The following CACNA2D3 variants were observed in gnomAD, a reference collection of about 807,000 sequenced individuals.
CACNA2D3 encodes calcium voltage-gated channel auxiliary subunit alpha2delta 3.
CACNA2D3 carries 60 observed loss-of-function variants against 160.6 expected under a neutral mutation model. That is an observed-to-expected ratio of 0.37 (90% CI 0.30 to 0.46). The LOEUF (loss-of-function observed/expected upper bound fraction) is 0.46. Among genes scored for constraint, CACNA2D3 ranks in the 20% least tolerant of loss-of-function variants. The pLI is 1.00. For missense variants in CACNA2D3, 1,205 were observed against 1,365.0 expected, an observed-to-expected ratio of 0.88 and a Z score of 1.85; for synonymous variants, 558 against 492.9, an observed-to-expected ratio of 1.13 and a Z score of -1.75.
chr3:54,280,382 G>T (rs1445501693), intron 2 of CACNA2D3, among the ~76,000 whole-genome samples: 1 of 152,088 alleles, frequency 6.6e-6, no homozygotes, highest in Non-Finnish European at 1.5e-5. Context: ...CGCCTGGCCT[G>T]TTCGTTCATT....
intron 2 of CACNA2D3, among the ~76,000 whole-genome samples, chr3:54,291,024 T>A (rs1457478740): frequency 2.0e-5 from 3 of 152,180 alleles, no homozygotes; most frequent in South Asian, 2.1e-4. Flanking sequence ...ACCCTGCACG[T>A]TGTGCACATG....
intron 24 of CACNA2D3, among the ~76,000 whole-genome samples, chr3:54,890,434 T>G (rs1275790663): frequency 7.0e-6 from 1 of 142,906 alleles, no homozygotes; most frequent in Non-Finnish European, 1.5e-5. Context: ...AGGCGGAGCT[T>G]GCAGTGAGCC....
intron 31 of CACNA2D3, among the ~76,000 whole-genome samples, chr3:55,002,010 G>T (rs1177231799): frequency 2.6e-5 from 4 of 152,128 alleles, no homozygotes; most frequent in African/African-American, 9.7e-5. Flanking sequence ...TACAAAATTA[G>T]TTGGGTGTAG....
chr3:54,646,417 G>A (rs566637270), intron 11 of CACNA2D3, among the ~76,000 whole-genome samples: 20 of 43,114 alleles, frequency 4.6e-4, no homozygotes, highest in Admixed American at 6.9e-4. Context: ...CCCCACAAAG[G>A]TGCCCCAGTA....
chr3:54,135,564 C>G (rs1408257487), intron 2 of CACNA2D3, among the ~76,000 whole-genome samples: 1 of 152,248 alleles, frequency 6.6e-6, no homozygotes, highest in African/African-American at 2.4e-5. Flanking sequence ...ACTCCAGCCT[C>G]TGCTTCCTTC....
At chr3:54,929,740 C>A (rs1291290899) in intron 27 of CACNA2D3, among the ~76,000 whole-genome samples, 1 of 152,156 alleles carries the variant, frequency 6.6e-6, no homozygotes, top group East Asian at 1.9e-4. Flanking sequence ...ATGATTTCTT[C>A]CCTCCTTCCT....
At chr3:54,268,931 G>C (rs1182699401) in intron 2 of CACNA2D3, among the ~76,000 whole-genome samples, 1 of 152,206 alleles carries the variant, frequency 6.6e-6, no homozygotes, top group Non-Finnish European at 1.5e-5. Context: ...TCTTCTGGAA[G>C]TATGTGGCTT....
At chr3:54,218,138 C>T (rs944545543) in intron 2 of CACNA2D3, among the ~76,000 whole-genome samples, 11 of 152,176 alleles carry the variant, frequency 7.2e-5, no homozygotes, top group Non-Finnish European at 1.3e-4. Context: ...ATGGAGACCA[C>T]GCTCCCACTT....
chr3:54,560,572 T>C (rs1282248342), intron 5 of CACNA2D3, among the ~76,000 whole-genome samples: 1 of 152,256 alleles, frequency 6.6e-6, no homozygotes, highest in Non-Finnish European at 1.5e-5. Context: ...AGAAGCTCTC[T>C]GGTTTAATTA....
chr3:54,495,968 A>G (rs1005518344), intron 4 of CACNA2D3, among the ~76,000 whole-genome samples: 1 of 152,250 alleles, frequency 6.6e-6, no homozygotes, highest in African/African-American at 2.4e-5. Context: ...TGTGAGATTC[A>G]TTGATACTTT....
chr3:54,139,891 C>G (rs972664361), intron 2 of CACNA2D3, among the ~76,000 whole-genome samples: 1 of 152,186 alleles, frequency 6.6e-6, no homozygotes, highest in Non-Finnish European at 1.5e-5. Context: ...ATGCACATCT[C>G]AGGAACACTG....
chr3:54,332,417 GCCA>G (rs1371736434), intron 3 of CACNA2D3, among the ~76,000 whole-genome samples: 1 of 152,170 alleles, frequency 6.6e-6, no homozygotes, highest in African/African-American at 2.4e-5. Context: ...ATAGCACCCA[GCCA>G]CCCTTGCAAT....
intron 4 of CACNA2D3, among the ~76,000 whole-genome samples, chr3:54,464,733 A>G (rs1700581442): frequency 6.6e-6 from 1 of 152,198 alleles, no homozygotes; most frequent in Non-Finnish European, 1.5e-5. Flanking sequence ...TTCCTGAGTG[A>G]GGCAATGCCT....
At chr3:54,927,896 A>T in intron 27 of CACNA2D3, 1 of 1,613,658 alleles carries the variant, frequency 6.2e-7, no homozygotes, top group Non-Finnish European at 8.5e-7. Flanking sequence ...GGAATTGATC[A>T]GGGCTCACCT....
chr3:55,024,129 C>A (rs1461653650), intron 35 of CACNA2D3, among the ~76,000 whole-genome samples: 2 of 138,598 alleles, frequency 1.4e-5, no homozygotes, highest in Non-Finnish European at 3.1e-5. Context: ...ATGCAGGAGC[C>A]TTGGAAGCAA....
chr3:54,975,791 C>T (rs1052397795), intron 29 of CACNA2D3, among the ~76,000 whole-genome samples: 1 of 152,104 alleles, frequency 6.6e-6, no homozygotes. Flanking sequence ...TAAACTATGT[C>T]TTGGTTCAGA....
At chr3:54,249,735 C>T (rs191223696) in intron 2 of CACNA2D3, among the ~76,000 whole-genome samples, 107 of 150,802 alleles carry the variant, frequency 7.1e-4, no homozygotes, top group African/African-American at 2.3e-3. Context: ...CCGTAATACA[C>T]AATATTCAAC....
intron 27 of CACNA2D3, among the ~76,000 whole-genome samples, chr3:54,939,308 C>T (rs1191637523): frequency 1.3e-5 from 2 of 152,214 alleles, no homozygotes; most frequent in African/African-American, 2.4e-5. Flanking sequence ...GAGACTGACT[C>T]ACTTGCCTGA....
Position 54,918,613 on chromosome 3 carries a change from A to ACG in CACNA2D3, c.2449+18746_2449+18747insGC, listed in dbSNP as rs776970832. On this transcript the variant is annotated intron_variant, in intron 27 of 37. Coordinates refer to ENST00000474759, the MANE Select transcript of CACNA2D3 (RefSeq NM_018398.3). Reference sequence around the variant, plus strand: ...CATCATGAGACACACAATCCCACACACAACGCCAGTGATGATGACAGTGGC... The same window carrying ACG: ...CATCATGAGACACACAATCCCACACACGCAACGCCAGTGATGATGACAGTGGC... 1.9e-6 allele frequency: 3 copies of ACG among 1,614,080 alleles called. No individual in the cohort carries two copies. The East Asian group carries it at 6.7e-5, about 36-fold the overall frequency.
Sources: gnomAD v4.1 joint callset for allele counts (sites outside exome capture counted in the v4.1 genomes callset) on GRCh38, gnomAD v4.1.1 for gene constraint, MANE v1.5 for transcripts, NCBI Gene and HGNC (gene_info 2026-07-23, HGNC 2026-07-21) for gene names.